Variants in SHTN1 observed in about 807,000 individuals in gnomAD.
The protein encoded by SHTN1 is shootin 1.
SHTN1 carries 42 observed loss-of-function variants against 83.1 expected under a neutral mutation model. That is an observed-to-expected ratio of 0.51 (90% CI 0.39 to 0.65). The LOEUF (loss-of-function observed/expected upper bound fraction) is 0.65. Ranked by LOEUF, SHTN1 falls within the 30% of genes least tolerant of loss-of-function variation. SHTN1 has a pLI of 0.00. For missense variants in SHTN1, 622 were observed against 737.8 expected, an observed-to-expected ratio of 0.84 and a Z score of 1.82; for synonymous variants, 224 against 247.7, an observed-to-expected ratio of 0.90 and a Z score of 0.90.
At position 116,921,228 on chromosome 10, in the gene SHTN1, T is replaced by C. The variant is rs575464289; in HGVS notation, c.1195+206A>G. ...GAAAATATATTTGCCAGTATGTCTC[T>C]TATTACAGTGAGGTGTGCGTGTTTA... On this transcript the variant is annotated intron_variant, in intron 12 of 16. Coordinates refer to ENST00000355371, the MANE Select transcript of SHTN1 (RefSeq NM_001127211.3). 7.4e-4 allele frequency among the ~76,000 whole-genome samples: 112 copies of C among 152,272 alleles called. 2 individuals are homozygous for C. The South Asian group carries it at 0.022, about 30-fold the overall frequency.
chr10:116,966,189 A>T (rs983915297), intron 3 of SHTN1, among the ~76,000 whole-genome samples: 5 of 152,076 alleles, frequency 3.3e-5, no homozygotes, highest in African/African-American at 1.2e-4. Context: ...TTGTATTTTT[A>T]CTAGAGACGG....
rs1256393861 is a variant in SHTN1 at position 116,886,423 on chromosome 10, T to C, written c.1817A>G (p.Glu606Gly). Residue 606 changes from glutamate (E) to glycine (G), a missense_variant, in exon 17 of 17, where the codon GAG becomes GGG. Around this residue, in one of 3 missense-constraint regions of SHTN1, gnomAD observed 231 missense variants for 251.6 expected, o/e 0.92. Transcript: ENST00000355371. ...TTCTGGTTGAATTTCGCCTTCATCC[T>C]CCTTGTGTTGAGTTGGATCTTTTTC... ...VAEKDPTQHK[E>G]DEGEIQPENK... 1.2e-6 allele frequency: 2 copies of C among 1,605,936 alleles called. No individual in the cohort carries two copies. Among genetic ancestry groups the C allele is most frequent in the Non-Finnish European group, 1.7e-6 (2 of 1,175,236 alleles).
intron 2 of SHTN1, among the ~76,000 whole-genome samples, chr10:117,032,145 AACAG>A (rs1363006016): frequency 6.6e-6 from 1 of 152,222 alleles, no homozygotes; most frequent in Non-Finnish European, 1.5e-5. Flanking sequence ...AAATTGTAAG[AACAG>A]ACAAAGACGG....
chr10:117,098,602 C>A (rs2133626578), intron 1 of SHTN1, among the ~76,000 whole-genome samples: 1 of 152,154 alleles, frequency 6.6e-6, no homozygotes, highest in African/African-American at 2.4e-5. Context: ...AACTGTCCAC[C>A]ACTTGTAATA....
intron 1 of SHTN1, among the ~76,000 whole-genome samples, chr10:117,055,701 T>C (rs1267180444): frequency 1.3e-5 from 2 of 152,130 alleles, no homozygotes; most frequent in African/African-American, 4.8e-5. Context: ...AGCCCTGTCT[T>C]TAAACAAATA....
intron 9 of SHTN1, among the ~76,000 whole-genome samples, chr10:116,930,789 T>C (rs1286687150): frequency 6.6e-6 from 1 of 152,190 alleles, no homozygotes; most frequent in Non-Finnish European, 1.5e-5. Flanking sequence ...TGTTAAGTTC[T>C]TTGAGAAATC....
At chr10:117,046,455 A>G (rs996474134) in intron 2 of SHTN1, among the ~76,000 whole-genome samples, 1 of 152,218 alleles carries the variant, frequency 6.6e-6, no homozygotes, top group Non-Finnish European at 1.5e-5. Flanking sequence ...CATTTTGGAA[A>G]ACAGTTTGGC....
chr10:116,986,327 T>C (rs867355374), intron 1 of SHTN1, among the ~76,000 whole-genome samples: 1 of 152,084 alleles, frequency 6.6e-6, no homozygotes, highest in Admixed American at 6.5e-5. Context: ...ATAAGGCAGA[T>C]AGAAAGGATT....
intron 12 of SHTN1, among the ~76,000 whole-genome samples, chr10:116,919,216 T>G (rs977914066): frequency 3.9e-5 from 6 of 152,234 alleles, no homozygotes; most frequent in Non-Finnish European, 5.9e-5. Context: ...AATTATTGAT[T>G]TGTTCACTCA....
At chr10:116,943,391 T>G (rs1849456158) in intron 8 of SHTN1, among the ~76,000 whole-genome samples, 1 of 152,244 alleles carries the variant, frequency 6.6e-6, no homozygotes, top group Admixed American at 6.5e-5. Context: ...AAATGAGACC[T>G]GCTATTCAGG....
At chr10:116,886,699 G>C (rs1847175686) in intron 16 of SHTN1, 133 bp from the exon 17 acceptor site, 1 of 1,205,754 alleles carries the variant, frequency 8.3e-7, no homozygotes, top group East Asian at 2.4e-5. Flanking sequence ...AGTAGTCTTT[G>C]AGATGCCAGC....
At chr10:117,062,301 C>T (rs1852915360) in intron 1 of SHTN1, among the ~76,000 whole-genome samples, 1 of 152,150 alleles carries the variant, frequency 6.6e-6, no homozygotes, top group Non-Finnish European at 1.5e-5. Flanking sequence ...TTTGACCATA[C>T]ATTTTAAGTA....
chr10:116,950,604 G>C (rs1177370253), intron 6 of SHTN1, among the ~76,000 whole-genome samples: 2 of 152,184 alleles, frequency 1.3e-5, no homozygotes, highest in African/African-American at 2.4e-5. Context: ...GAGGAACAGA[G>C]CACACTAAGA....
chr10:116,996,304 A>G (rs1433126041), intron 1 of SHTN1, among the ~76,000 whole-genome samples: 7 of 152,182 alleles, frequency 4.6e-5, no homozygotes. Context: ...TTTTTCTGAT[A>G]CCTGGCTGTG....
chr10:117,072,863 T>G (rs982173297), intron 1 of SHTN1, among the ~76,000 whole-genome samples: 1 of 151,660 alleles, frequency 6.6e-6, no homozygotes, highest in Non-Finnish European at 1.5e-5. Flanking sequence ...CAAGAAGAAA[T>G]CCCTGATTTA....
rs1589768724 is a variant in SHTN1 at position 116,881,718 on chromosome 10, G to A, written c.*4626C>T. ...GCCACACCATCAGTATTAGTAGACC[G>A]GGAGGTCTGAAGTACGGCGCCGTGT... On this transcript the variant is annotated 3_prime_UTR_variant, in exon 17 of 17. Transcript: ENST00000355371. 7 of 1,343,262 alleles carry A rather than the reference G, an allele frequency of 5.2e-6. No individual in the cohort carries two copies. The highest frequency in any genetic ancestry group is 2.9e-5 in the East Asian group (1 of 34,408). The allele number at this position is 1,343,262 out of a possible 1,614,324, so 83.2% of individuals were successfully genotyped here.
intron 2 of SHTN1, among the ~76,000 whole-genome samples, chr10:117,029,154 G>C (rs547720121): frequency 2.0e-5 from 3 of 152,312 alleles, no homozygotes; most frequent in South Asian, 4.1e-4. Flanking sequence ...GATTATTTTG[G>C]ATCTTTAAGA....
chr10:116,954,214 A>AGTT lies in SHTN1; in HGVS notation c.268-5_268-4insAAC. On this transcript the variant is annotated splice_region_variant and splice_polypyrimidine_tract_variant and intron_variant, in intron 4 of 16. Transcript: ENST00000355371. ...ACGTTTTATTTTCTTTATTTAGCTAAGACAAAATATAAAAACAGTTATTTT... is the reference window on the plus strand; with the variant it reads ...ACGTTTTATTTTCTTTATTTAGCTAAGTTGACAAAATATAAAAACAGTTATTTT... 1.9e-6 allele frequency: 3 copies of AGTT among 1,583,142 alleles called. No individual in the cohort carries two copies. Among genetic ancestry groups the AGTT allele is most frequent in the Non-Finnish European group, 2.6e-6 (3 of 1,164,484 alleles).
chr10:117,036,349 G>C (rs775048719), intron 2 of SHTN1, among the ~76,000 whole-genome samples: 1 of 152,172 alleles, frequency 6.6e-6, no homozygotes, highest in Non-Finnish European at 1.5e-5. Flanking sequence ...GTTTGTTGCA[G>C]CACTGTTTGC....
Sources: allele counts gnomAD v4.1 joint callset (sites outside exome capture counted in the v4.1 genomes callset), GRCh38; gene constraint gnomAD v4.1.1; regional missense constraint gnomAD v4.1.1; transcripts MANE v1.5; gene names NCBI Gene and HGNC (gene_info 2026-07-23, HGNC 2026-07-21).